RASEF: variants seen among roughly 807,000 people sequenced by gnomAD.
The protein encoded by RASEF is ras and EF-hand domain-containing protein.
A neutral mutation model predicts 90.1 loss-of-function variants in RASEF; 68 were observed. The observed-to-expected ratio is 0.75, with a 90% confidence interval of 0.62 to 0.92. The LOEUF (loss-of-function observed/expected upper bound fraction) is 0.92, where lower values mean the gene tolerates loss of function less well. RASEF is among the 40% of genes least tolerant of loss of function. The pLI, the probability that RASEF is intolerant of heterozygous loss-of-function variation, is 0.00. For synonymous variants in RASEF, 331 were observed against 345.2 expected (o/e 0.96, Z 0.46); for missense variants, 949 against 937.2 (o/e 1.01, Z -0.16).
chr9:83,192,481 C>A, the RASEF span, among the ~76,000 whole-genome samples: 1 of 152,168 alleles, frequency 6.6e-6, no homozygotes, highest in East Asian at 1.9e-4. Flanking sequence ...CACATGTTCT[C>A]ACTTACAAGT....
At chr9:83,195,064 C>T in the RASEF span, among the ~76,000 whole-genome samples, 1 of 152,216 alleles carries the variant, frequency 6.6e-6, no homozygotes, top group East Asian at 1.9e-4. Context: ...CTACAACTGT[C>T]TGTGACAGGC....
chr9:83,147,106 C>T, the RASEF span, among the ~76,000 whole-genome samples: 4 of 150,004 alleles, frequency 2.7e-5, no homozygotes, highest in South Asian at 2.1e-4. Flanking sequence ...TTGGTAAACC[C>T]GGATTAGAAC....
the RASEF span, among the ~76,000 whole-genome samples, chr9:83,077,934 A>G: frequency 6.6e-6 from 1 of 152,220 alleles, no homozygotes; most frequent in Non-Finnish European, 1.5e-5. Context: ...TGTTAAAATC[A>G]TGGACAATTT....
At chr9:83,003,443 T>C (rs1338915634) in intron 9 of RASEF, among the ~76,000 whole-genome samples, 1 of 152,234 alleles carries the variant, frequency 6.6e-6, no homozygotes, top group Non-Finnish European at 1.5e-5. Context: ...CTGAAATACT[T>C]TTCAGTTGTA....
At chr9:83,065,408 T>C (rs1052624465), upstream of RASEF, among the ~76,000 whole-genome samples, 4 of 152,202 alleles carry the variant, frequency 2.6e-5, no homozygotes, top group African/African-American at 7.2e-5. Context: ...GGCTGGGCCA[T>C]GTGTCTTCAG....
the RASEF span, among the ~76,000 whole-genome samples, chr9:83,109,586 G>A: frequency 6.6e-6 from 1 of 152,162 alleles, no homozygotes. Flanking sequence ...CAGTCAGCAT[G>A]ATCACTGATC....
At chr9:83,014,801 A>G (rs1056071520) in intron 4 of RASEF, among the ~76,000 whole-genome samples, 14 of 152,198 alleles carry the variant, frequency 9.2e-5, no homozygotes, top group African/African-American at 3.4e-4. Context: ...TCAACTTGGT[A>G]GCATGAAATC....
the RASEF span, among the ~76,000 whole-genome samples, chr9:83,147,695 C>T: frequency 6.6e-6 from 1 of 152,112 alleles, no homozygotes; most frequent in Admixed American, 6.5e-5. Flanking sequence ...CAGCTCAGTG[C>T]CCTTTTGGTA....
the RASEF span, among the ~76,000 whole-genome samples, chr9:83,108,427 T>A: frequency 6.6e-6 from 1 of 152,148 alleles, no homozygotes; most frequent in Non-Finnish European, 1.5e-5. Context: ...TGACAGAAAC[T>A]GTATCTTCTT....
rs565640669 is a variant in RASEF at position 83,014,183 on chromosome 9, A to G, written c.765+1622T>C. On this transcript the variant is annotated intron_variant, in intron 4 of 16. Coordinates refer to ENST00000376447, the MANE Select transcript of RASEF (RefSeq NM_152573.4). ...AGTATGCATGGCCTAATAACTTTTGAAAATTAGATATAAGGTTCAAATTGA... is the reference window on the plus strand; with the variant it reads ...AGTATGCATGGCCTAATAACTTTTGGAAATTAGATATAAGGTTCAAATTGA... 1.2e-4 allele frequency among the ~76,000 whole-genome samples: 19 copies of G among 152,316 alleles called. No homozygotes were observed. The South Asian group carries it at 3.9e-3, about 32-fold the overall frequency.
At chr9:83,192,825 G>A in the RASEF span, among the ~76,000 whole-genome samples, 2 of 151,282 alleles carry the variant, frequency 1.3e-5, no homozygotes, top group Non-Finnish European at 2.9e-5. Context: ...AAAGCTAATT[G>A]CTCTAGATTG....
At chr9:83,078,295 A>C in the RASEF span, among the ~76,000 whole-genome samples, 19 of 152,234 alleles carry the variant, frequency 1.2e-4, no homozygotes, top group Admixed American at 1.0e-3. Context: ...GTTAGGCTTC[A>C]TAAGTGACCT....
At chr9:83,082,554 G>A in the RASEF span, among the ~76,000 whole-genome samples, 2 of 151,986 alleles carry the variant, frequency 1.3e-5, no homozygotes, top group Non-Finnish European at 2.9e-5. Context: ...TGATCAAAGG[G>A]CTTACAACAA....
chr9:83,158,632 A>T, the RASEF span, among the ~76,000 whole-genome samples: 9 of 147,028 alleles, frequency 6.1e-5, no homozygotes, highest in Admixed American at 5.5e-4. Flanking sequence ...GTACATATGT[A>T]TATATGTATA....
chr9:83,171,555 G>T, the RASEF span, among the ~76,000 whole-genome samples: 1 of 151,816 alleles, frequency 6.6e-6, no homozygotes, highest in East Asian at 1.9e-4. Flanking sequence ...GAAGGCATCA[G>T]GTCCTGGACT....
chr9:83,084,800 AT>A, the RASEF span, among the ~76,000 whole-genome samples: 1 of 151,950 alleles, frequency 6.6e-6, no homozygotes, highest in South Asian at 2.1e-4. Flanking sequence ...TGCATATATG[AT>A]TTTTTTCTCT....
At chr9:83,037,499 C>G (rs570583856) in intron 1 of RASEF, among the ~76,000 whole-genome samples, 1 of 151,804 alleles carries the variant, frequency 6.6e-6, no homozygotes, top group South Asian at 2.1e-4. Context: ...ATATTTTTAC[C>G]AAATTAAGAA....
intron 16 of RASEF, among the ~76,000 whole-genome samples, chr9:82,987,937 C>G (rs563447173): frequency 2.0e-5 from 3 of 152,176 alleles, no homozygotes; most frequent in African/African-American, 7.2e-5. Context: ...CAGCTAGTAA[C>G]CACATGCAAG....
chr9:83,126,682 G>A, the RASEF span, among the ~76,000 whole-genome samples: 1 of 152,128 alleles, frequency 6.6e-6, no homozygotes, highest in Non-Finnish European at 1.5e-5. Context: ...CTACTGCCCT[G>A]GATGGCAGCT....
Sources: allele counts gnomAD v4.1 joint callset (sites outside exome capture counted in the v4.1 genomes callset), GRCh38; gene constraint gnomAD v4.1.1; transcripts MANE v1.5; gene names NCBI Gene and HGNC (gene_info 2026-07-23, HGNC 2026-07-21).